PRKG1: variants seen among roughly 807,000 people sequenced by gnomAD.
PRKG1 encodes the protein cGMP-dependent protein kinase 1.
In PRKG1, 35 loss-of-function variants were observed where a neutral mutation model predicts 88.1. The ratio of observed to expected loss-of-function variants is 0.40; its 90% CI spans 0.30 to 0.53. The LOEUF is 0.53. PRKG1 is among the 20% of genes least tolerant of loss of function. The pLI, the probability that PRKG1 is intolerant of heterozygous loss-of-function variation, is 0.59. For missense variants in PRKG1, 540 were observed against 839.8 expected (o/e 0.64, Z 4.41); for synonymous variants, 303 against 292.5 (o/e 1.04, Z -0.37).
intron 5 of PRKG1, among the ~76,000 whole-genome samples, chr10:51,982,473 C>T (rs573348569): frequency 7.9e-5 from 12 of 152,256 alleles, no homozygotes; most frequent in South Asian, 6.2e-4. Flanking sequence ...AAGTCGCTGA[C>T]GTTTTGATTT....
chr10:51,853,327 A>G (rs1840603398), intron 4 of PRKG1, among the ~76,000 whole-genome samples: 2 of 152,232 alleles, frequency 1.3e-5, no homozygotes, highest in Non-Finnish European at 2.9e-5. Context: ...CAAAATGGAA[A>G]CAAAATTACA....
Position 52,237,178 on chromosome 10 carries a change from A to G in PRKG1, c.1077-14392A>G, listed in dbSNP as rs1413448537. Among the ~76,000 whole-genome samples, 3 of 130,728 alleles carry G rather than the reference A, an allele frequency of 2.3e-5. No homozygotes were observed. The Admixed American group carries it at 2.4e-4, about 11-fold the overall frequency. 85.8% of individuals were successfully genotyped at this position (130,728 alleles called of 152,430 possible). ...TTGATGGGACGTATTTCAAAATAAT[A>G]AGAGCTATCTATGACAAATCCACAG... On this transcript the variant is annotated intron_variant, in intron 9 of 17. Transcript: ENST00000373980.
intron 4 of PRKG1, among the ~76,000 whole-genome samples, chr10:51,835,954 G>A (rs970491060): frequency 5.3e-5 from 8 of 151,992 alleles, no homozygotes; most frequent in East Asian, 3.9e-4. Flanking sequence ...ATCTCATTGC[G>A]GTTTTAATTT....
At chr10:51,230,583 A>T (rs1336501580) in intron 2 of PRKG1, among the ~76,000 whole-genome samples, 1 of 152,150 alleles carries the variant, frequency 6.6e-6, no homozygotes, top group Admixed American at 6.5e-5. Context: ...TCCATGGGAG[A>T]TAGGTTCCAG....
At chr10:51,477,651 A>G (rs1213064473) in intron 3 of PRKG1, among the ~76,000 whole-genome samples, 3 of 152,046 alleles carry the variant, frequency 2.0e-5, no homozygotes, top group African/African-American at 7.2e-5. Context: ...TGGAGTCAGT[A>G]AACACTTACT....
rs367715575 is a variant in PRKG1, at chr10:51,145,420, TAGATC to T, written c.312-7741_312-7737del. Among the ~76,000 whole-genome samples the T allele has an allele frequency of 4.7e-3, 711 of 152,328 alleles. 2 individuals are homozygous for T. The highest frequency in any genetic ancestry group is 0.016 in the African/African-American group (670 of 41,564). On this transcript the variant is annotated intron_variant, in intron 1 of 17. Transcript: ENST00000373980. ...CTTCAGAAATAGAGTTAGTTCTTAA[TAGATC>T]AGGCCACATAGTTCTTAAATTATGT...
At chr10:51,097,494 G>A (rs1305457879) in intron 1 of PRKG1, among the ~76,000 whole-genome samples, 3 of 152,078 alleles carry the variant, frequency 2.0e-5, no homozygotes, top group Non-Finnish European at 4.4e-5. Context: ...AAGTGCTTGG[G>A]ATTATAGGTG....
At chr10:51,321,896 C>T (rs781780607) in intron 2 of PRKG1, among the ~76,000 whole-genome samples, 20 of 151,862 alleles carry the variant, frequency 1.3e-4, no homozygotes, top group Admixed American at 5.2e-4. Flanking sequence ...TATTATGTAC[C>T]CTCAAAAATT....
At chr10:51,677,770 C>T (rs2132361211) in intron 3 of PRKG1, among the ~76,000 whole-genome samples, 1 of 152,210 alleles carries the variant, frequency 6.6e-6, no homozygotes, top group Non-Finnish European at 1.5e-5. Flanking sequence ...GTTTTGGGGA[C>T]AGTTTGGAAA....
rs187036194 is a variant in PRKG1 at position 51,918,046 on chromosome 10, C to A, written c.762+10476C>A. On this transcript the variant is annotated intron_variant, in intron 5 of 17. Transcript: ENST00000373980. ...TCCACTTATTGATGCAAACTCTGTG[C>A]CAGGCTAAGGCCATTTGTCTAATCC... is the stretch of plus-strand genomic sequence containing the variant. 2.0e-4 allele frequency among the ~76,000 whole-genome samples: 30 copies of A among 152,314 alleles called. 1 individual carries two copies. Among genetic ancestry groups the A allele is most frequent in the Admixed American group, 1.8e-3 (27 of 15,298 alleles).
intron 3 of PRKG1, among the ~76,000 whole-genome samples, chr10:51,686,121 C>T (rs765555109): frequency 1.3e-5 from 2 of 152,098 alleles, no homozygotes; most frequent in Non-Finnish European, 2.9e-5. Context: ...TTCCTCAGGA[C>T]GAGTAGTTTT....
chr10:50,998,605 A>G (rs188128023), intron 1 of PRKG1, among the ~76,000 whole-genome samples: 2,579 of 152,194 alleles, frequency 0.017, 31 homozygotes, highest in East Asian at 0.041. Context: ...AAAATTAGCC[A>G]GGCATGGTGG....
At chr10:51,156,207 A>G (rs180807316) in intron 2 of PRKG1, among the ~76,000 whole-genome samples, 62 of 151,912 alleles carry the variant, frequency 4.1e-4, no homozygotes, top group Admixed American at 2.3e-3. Context: ...GAAGTTAACA[A>G]TACTTAAATA....
At chr10:51,080,886 A>G (rs1589137946) in intron 1 of PRKG1, among the ~76,000 whole-genome samples, 1 of 152,308 alleles carries the variant, frequency 6.6e-6, no homozygotes, top group African/African-American at 2.4e-5. Context: ...AGTATGTGCA[A>G]CCTGTTTGAA....
chr10:51,610,902 G>A (rs1300569556), intron 3 of PRKG1, among the ~76,000 whole-genome samples: 1 of 152,060 alleles, frequency 6.6e-6, no homozygotes, highest in East Asian at 1.9e-4. Context: ...GGCTTGGGGG[G>A]AAAGGGGAGG....
chr10:51,210,972 G>A (rs1367173427), intron 2 of PRKG1, among the ~76,000 whole-genome samples: 3 of 152,108 alleles, frequency 2.0e-5, no homozygotes, highest in African/African-American at 4.8e-5. Flanking sequence ...TATAAGGCCA[G>A]CATCATCCTG....
At chr10:51,926,750 G>GT (rs11324214) in intron 5 of PRKG1, among the ~76,000 whole-genome samples, 61,389 of 141,194 alleles carry the variant, frequency 0.43, 13,201 homozygotes, top group East Asian at 0.48. Context: ...GCCTAGCATA[G>GT]TTTTTTTTTT....
At chr10:52,104,193 G>A (rs1306213759) in intron 7 of PRKG1, among the ~76,000 whole-genome samples, 1 of 151,154 alleles carries the variant, frequency 6.6e-6, no homozygotes, top group Non-Finnish European at 1.5e-5. Flanking sequence ...TATGTACATA[G>A]GAATACATTA....
chr10:51,113,915 G>C (rs1022569271), intron 1 of PRKG1, among the ~76,000 whole-genome samples: 1 of 151,150 alleles, frequency 6.6e-6, no homozygotes, highest in Non-Finnish European at 1.5e-5. Flanking sequence ...ATTTCCAGGG[G>C]AGCACTTCAG....
Sources: allele counts gnomAD v4.1 joint callset (sites outside exome capture counted in the v4.1 genomes callset), GRCh38; gene constraint gnomAD v4.1.1; transcripts MANE v1.5; gene names NCBI Gene and HGNC (gene_info 2026-07-23, HGNC 2026-07-21).